Variants in TNIK observed in about 807,000 individuals in gnomAD.
TNIK encodes TRAF2 and NCK interacting kinase, also known as TRAF2 and NCK-interacting protein kinase.
In TNIK, 49 loss-of-function variants were observed where a neutral mutation model predicts 191.3. The observed-to-expected ratio is 0.26, with a 90% confidence interval of 0.20 to 0.32. The LOEUF (loss-of-function observed/expected upper bound fraction) is 0.32. Among genes scored for constraint, TNIK ranks in the 10% least tolerant of loss-of-function variants. The pLI is 1.00. For synonymous variants in TNIK, 594 were observed against 600.9 expected (o/e 0.99, Z 0.17); for missense variants, 1,155 against 1,702.3 (o/e 0.68, Z 5.66).
At chr3:171,445,748 C>T (rs1727419201) in intron 1 of TNIK, among the ~76,000 whole-genome samples, 1 of 152,142 alleles carries the variant, frequency 6.6e-6, no homozygotes, top group Non-Finnish European at 1.5e-5. Context: ...TTTCATTTCT[C>T]CAGTGCATTT....
At chr3:171,154,523 A>G (rs1447129988) in intron 12 of TNIK, among the ~76,000 whole-genome samples, 2 of 152,208 alleles carry the variant, frequency 1.3e-5, no homozygotes, top group Non-Finnish European at 2.9e-5. Context: ...TTTGAAACAC[A>G]TATATAAATC....
In TNIK at chr3:171,375,171, T is replaced by C. The variant is rs60080067; in HGVS notation, c.58-5486A>G. Reference sequence around the variant, plus strand: ...CTCCCTTGGGAGATACAATGAGAACTGTGAGTGTCTAGACTAGCTTGGGGC... The same window carrying C: ...CTCCCTTGGGAGATACAATGAGAACCGTGAGTGTCTAGACTAGCTTGGGGC... On this transcript the variant is annotated intron_variant, in intron 1 of 32. Coordinates refer to ENST00000436636, the MANE Select transcript of TNIK (RefSeq NM_015028.4). Among the ~76,000 whole-genome samples, 829 of 152,324 alleles carry C rather than the reference T, an allele frequency of 5.4e-3. 10 individuals are homozygous for C. Among genetic ancestry groups the C allele is most frequent in the African/African-American group, 0.019 (782 of 41,570 alleles).
At chr3:171,154,259 CAAAA>C (rs33932410) in intron 12 of TNIK, among the ~76,000 whole-genome samples, 10,345 of 137,618 alleles carry the variant, frequency 0.075, 459 homozygotes, top group Middle Eastern at 0.13. Context: ...GATATCTCTT[CAAAA>C]AAAAAAAAAA....
chr3:171,421,502 G>C (rs1277482514), intron 1 of TNIK, among the ~76,000 whole-genome samples: 2 of 152,134 alleles, frequency 1.3e-5, no homozygotes, highest in Non-Finnish European at 2.9e-5. Context: ...TGAAGTCATG[G>C]TACCACCAGC....
rs12330619 is a variant in TNIK at position 171,194,935 on chromosome 3, A to G, written c.307-300T>C. 8.9e-3 allele frequency among the ~76,000 whole-genome samples: 1,187 copies of G among 133,430 alleles called. 22 individuals are homozygous for G. The highest frequency in any genetic ancestry group is 0.031 in the African/African-American group (1,121 of 35,824). The allele number at this position is 133,430 out of a possible 152,430, so 87.5% of individuals were successfully genotyped here. ...GTAGGTGACTCAGACAAAATTGAGAATATCTCTGTTTTAACTCAGCAGTCA... is the reference window on the plus strand; with the variant it reads ...GTAGGTGACTCAGACAAAATTGAGAGTATCTCTGTTTTAACTCAGCAGTCA... On this transcript the variant is annotated intron_variant, in intron 4 of 32. Transcript: ENST00000436636.
rs74385478 is a variant in TNIK, at chr3:171,332,655, A to T, written c.123+36965T>A. On this transcript the variant is annotated intron_variant, in intron 2 of 32. Transcript: ENST00000436636. ...CAGGTAATCCTTCTGCCAGCCAACT[A>T]CCTCCTGATTCAGCTATAACCTGAA... Among the ~76,000 whole-genome samples the T allele has an allele frequency of 4.1e-3, 630 of 152,052 alleles. 1 individual carries two copies. The highest frequency in any genetic ancestry group is 6.5e-3 in the Non-Finnish European group (441 of 67,980).
At chr3:171,354,858 C>T (rs2108448912) in intron 2 of TNIK, among the ~76,000 whole-genome samples, 1 of 152,302 alleles carries the variant, frequency 6.6e-6, no homozygotes, top group East Asian at 1.9e-4. Flanking sequence ...TAGTATTACT[C>T]ATCAACTTAA....
chr3:171,301,754 C>G (rs939037267), intron 2 of TNIK, among the ~76,000 whole-genome samples: 5 of 152,294 alleles, frequency 3.3e-5, no homozygotes, highest in Admixed American at 6.5e-5. Flanking sequence ...AGCAGCTATA[C>G]AGTAATCATT....
chr3:171,330,787 G>T (rs897680751), intron 2 of TNIK, among the ~76,000 whole-genome samples: 1 of 152,016 alleles, frequency 6.6e-6, no homozygotes, highest in African/African-American at 2.4e-5. Flanking sequence ...CCTACCTTTC[G>T]AATTATGATT....
At chr3:171,108,375 A>T (rs1350983700) in intron 19 of TNIK, among the ~76,000 whole-genome samples, 3 of 147,258 alleles carry the variant, frequency 2.0e-5, no homozygotes, top group South Asian at 2.1e-4. Flanking sequence ...AGTAACAATT[A>T]AAAAAAAAAG....
chr3:171,364,211 T>A lies in TNIK; in HGVS notation c.123+5409A>T, dbSNP rs58552339. Among the ~76,000 whole-genome samples, 3 of 152,256 alleles carry A rather than the reference T, an allele frequency of 2.0e-5. No homozygotes were observed. In the East Asian group the frequency reaches 5.8e-4, roughly 29 times the overall value. On this transcript the variant is annotated intron_variant, in intron 2 of 32. Coordinates refer to ENST00000436636, the MANE Select transcript of TNIK (RefSeq NM_015028.4). ...TCTACATTTTAAATCCTTTCCCAAA[T>A]ATTCATTTTACATACTAAAGTTTGA...
At chr3:171,415,973 C>CAAAAAAAA (rs769531813) in intron 1 of TNIK, among the ~76,000 whole-genome samples, 49 of 12,452 alleles carry the variant, frequency 3.9e-3, no homozygotes, top group South Asian at 5.2e-3. Flanking sequence ...GAGACTGTCT[C>CAAAAAAAA]AAAAAAAAAA....
chr3:171,430,277 T>TA (rs1725203411), intron 1 of TNIK, among the ~76,000 whole-genome samples: 1 of 152,152 alleles, frequency 6.6e-6, no homozygotes, highest in South Asian at 2.1e-4. Flanking sequence ...CACCTAATTT[T>TA]AAAAAACAAA....
chr3:171,258,272 G>A (rs16856060), intron 2 of TNIK, among the ~76,000 whole-genome samples: 5,292 of 152,116 alleles, frequency 0.035, 273 homozygotes, highest in African/African-American at 0.12. Flanking sequence ...CCACTGTGGA[G>A]GAATAGAACA....
At chr3:171,425,193 C>T (rs921153004) in intron 1 of TNIK, among the ~76,000 whole-genome samples, 2 of 152,110 alleles carry the variant, frequency 1.3e-5, no homozygotes, top group Admixed American at 6.6e-5. Context: ...ATATACATGT[C>T]CAAATATCAA....
At chr3:171,412,829 C>T (rs1722577652) in intron 1 of TNIK, among the ~76,000 whole-genome samples, 2 of 152,204 alleles carry the variant, frequency 1.3e-5, no homozygotes, top group Non-Finnish European at 2.9e-5. Context: ...TAATTGGTTG[C>T]TGTGAACTCT....
intron 23 of TNIK, among the ~76,000 whole-genome samples, chr3:171,090,652 G>A (rs986324840): frequency 3.9e-5 from 6 of 152,084 alleles, no homozygotes; most frequent in African/African-American, 1.4e-4. Context: ...TGAAGTGTGG[G>A]TAGCAGTGGA....
chr3:171,093,848 C>A lies in TNIK; in HGVS notation c.2712G>T (p.Met904Ile), dbSNP rs1313462171. ...SGSISREGTL[M>I]IRETSGEKKR... ...TTTTATACCAACTTACCTCTCTAATCATCAAGGTTCCTTCTCTTGAAATAC... is the reference window on the plus strand; with the variant it reads ...TTTTATACCAACTTACCTCTCTAATAATCAAGGTTCCTTCTCTTGAAATAC... The change falls in exon 23 of 33, where the codon ATG becomes ATT. Residue 904 changes from methionine to isoleucine, a missense_variant. Physicochemically the swap from Met to Ile is conservative, Grantham distance 10. Transcript: ENST00000436636. The A allele has an allele frequency of 6.2e-7, 1 of 1,613,710 alleles. No homozygotes were observed. Among genetic ancestry groups the A allele is most frequent in the South Asian group, 1.1e-5 (1 of 91,028 alleles).
intron 22 of TNIK, among the ~76,000 whole-genome samples, chr3:171,095,093 C>A (rs1476669395): frequency 2.6e-5 from 4 of 152,188 alleles, no homozygotes; most frequent in Non-Finnish European, 5.9e-5. Context: ...CTGTAATCAT[C>A]CTGCATGGTG....
Sources: gnomAD v4.1 joint callset for allele counts (sites outside exome capture counted in the v4.1 genomes callset) on GRCh38, gnomAD v4.1.1 for gene constraint, MANE v1.5 for transcripts, NCBI Gene and HGNC (gene_info 2026-07-23, HGNC 2026-07-21) for gene names.